TPCN1: variants seen among roughly 807,000 people sequenced by gnomAD.
The protein encoded by TPCN1 is two pore channel protein 1.
In TPCN1, 52 loss-of-function variants were observed where a neutral mutation model predicts 108.8. That is an observed-to-expected ratio of 0.48 (90% CI 0.38 to 0.60). The LOEUF is 0.60. TPCN1 is among the 20% of genes least tolerant of loss of function. The probability of loss-of-function intolerance (pLI) is 0.00; values close to 1 mark genes in which losing one functional copy is unlikely to be tolerated. For missense variants in TPCN1, 806 were observed against 1,072.8 expected (o/e 0.75, Z 3.47); for synonymous variants, 446 against 433.7 (o/e 1.03, Z -0.35).
chr12:113,280,071 AAG>A (rs923963573), intron 14 of TPCN1, 78 bp from the exon 15 acceptor site: 3 of 1,165,032 alleles, frequency 2.6e-6, no homozygotes, highest in African/African-American at 3.0e-5. Context: ...CCTGCCCAGA[AAG>A]AGATAATAAT....
intron 1 of TPCN1, among the ~76,000 whole-genome samples, chr12:113,223,864 G>A (rs1953366676): frequency 6.6e-6 from 1 of 152,052 alleles, no homozygotes; most frequent in Non-Finnish European, 1.5e-5. Context: ...TTTTAAATTG[G>A]GAGTTAAGGA....
At chr12:113,292,609 A>C (rs116800153) in intron 25 of TPCN1, 258 of 240,136 alleles carry the variant, frequency 1.1e-3, no homozygotes, top group African/African-American at 5.6e-3. Flanking sequence ...AAAGAAACAG[A>C]AAACCCTGTG....
At chr12:113,228,287 T>TC (rs1320867364) in intron 2 of TPCN1, among the ~76,000 whole-genome samples, 5 of 152,142 alleles carry the variant, frequency 3.3e-5, no homozygotes, top group Non-Finnish European at 1.5e-5. Context: ...CTCCTCCCTC[T>TC]CCTTTTTTCT....
At chr12:113,291,179 C>T (rs532382985) in intron 23 of TPCN1, among the ~76,000 whole-genome samples, 181 bp downstream of exon 23, 1 of 152,132 alleles carries the variant, frequency 6.6e-6, no homozygotes, top group Non-Finnish European at 1.5e-5. Flanking sequence ...GCCACCCCTC[C>T]CAGTGTTGGC....
At chr12:113,222,249 A>G (rs1327187841) in intron 1 of TPCN1, among the ~76,000 whole-genome samples, 2 of 152,208 alleles carry the variant, frequency 1.3e-5, no homozygotes, top group African/African-American at 4.8e-5. Flanking sequence ...TCGTAGGTGT[A>G]TATAGGGTAA....
At chr12:113,291,497 G>T (rs1403598201) in intron 23 of TPCN1, 112 bp from the exon 24 acceptor site, 4 of 893,318 alleles carry the variant, frequency 4.5e-6, no homozygotes, top group Non-Finnish European at 7.0e-6. Flanking sequence ...CTCACAACCA[G>T]CCACAAATCA....
chr12:113,266,083 C>G lies in TPCN1; in HGVS notation c.238-97C>G. On this transcript the variant is annotated intron_variant, in intron 3 of 27. Coordinates refer to ENST00000335509, the MANE Select transcript of TPCN1 (RefSeq NM_017901.6). The surrounding 1 kb of genome is among the most constrained non-coding windows in gnomAD (Gnocchi z 4.2). Reference sequence around the variant, plus strand: ...GTCTCTGGCCTGAATCTCTCCTCGCCTGCCTGGGGCCTTCCTTTCCTCCCC... The same window carrying G: ...GTCTCTGGCCTGAATCTCTCCTCGCGTGCCTGGGGCCTTCCTTTCCTCCCC... 1.5e-6 allele frequency: 2 copies of G among 1,349,566 alleles called. No individual in the cohort carries two copies. The highest frequency in any genetic ancestry group is 2.1e-6 in the Non-Finnish European group (2 of 969,454). 83.6% of individuals were successfully genotyped at this position (1,349,566 alleles called of 1,614,324 possible).
At chr12:113,227,093 T>G (rs1782923150) in intron 2 of TPCN1, 129 bp downstream of exon 2, 2 of 733,636 alleles carry the variant, frequency 2.7e-6, no homozygotes, top group Non-Finnish European at 4.4e-6. Context: ...GAGCCCCAAG[T>G]TCTGATACAG....
intron 2 of TPCN1, among the ~76,000 whole-genome samples, chr12:113,229,155 C>G (rs1953582299): frequency 6.6e-6 from 1 of 152,210 alleles, no homozygotes; most frequent in African/African-American, 2.4e-5. Context: ...TTTATCTTGG[C>G]AAAGTCAGTG....
At chr12:113,257,165 A>G (rs1158889972) in intron 2 of TPCN1, among the ~76,000 whole-genome samples, 1 of 152,230 alleles carries the variant, frequency 6.6e-6, no homozygotes, top group Non-Finnish European at 1.5e-5. Context: ...ATGAACATGA[A>G]AAACAATGAT....
chr12:113,241,284 C>T (rs1013645040), intron 2 of TPCN1, among the ~76,000 whole-genome samples: 1 of 152,234 alleles, frequency 6.6e-6, no homozygotes, highest in Non-Finnish European at 1.5e-5. Flanking sequence ...GCTGTCACTT[C>T]CCCAATGTGC....
chr12:113,240,105 T>C (rs940029867), intron 2 of TPCN1, among the ~76,000 whole-genome samples: 1 of 152,208 alleles, frequency 6.6e-6, no homozygotes, highest in African/African-American at 2.4e-5. Flanking sequence ...CAGTTTTTAC[T>C]GCACAGCCTC....
intron 2 of TPCN1, among the ~76,000 whole-genome samples, chr12:113,229,131 C>G (rs964147146): frequency 1.3e-5 from 2 of 152,238 alleles, no homozygotes; most frequent in Non-Finnish European, 2.9e-5. Context: ...GGCTAGGCCA[C>G]TAGCAAGGCT....
chr12:113,262,653 A>G (rs1490947855), intron 3 of TPCN1, among the ~76,000 whole-genome samples: 1 of 152,226 alleles, frequency 6.6e-6, no homozygotes, highest in Non-Finnish European at 1.5e-5. Flanking sequence ...GGGATAGGTC[A>G]GAACACAGAC....
At chr12:113,279,292 C>CATATGTGTGTGTGTGTATATAT (rs1955781386) in intron 14 of TPCN1, among the ~76,000 whole-genome samples, 1 of 134,438 alleles carries the variant, frequency 7.4e-6, no homozygotes, top group Non-Finnish European at 1.5e-5. Context: ...TCCAATAACA[C>CATATGTGTGTGTGTGTATATAT]ATATGTGTGT....
chr12:113,293,251 G>A lies in TPCN1; in HGVS notation c.2254-18G>A, dbSNP rs752904949. 2.1e-4 allele frequency: 344 copies of A among 1,613,792 alleles called. 1 individual carries two copies. Among genetic ancestry groups the A allele is most frequent in the Non-Finnish European group, 2.9e-4 (338 of 1,179,936 alleles). On this transcript the variant is annotated intron_variant, in intron 26 of 27. Transcript: ENST00000335509. ...TGAATATCTGCAGCCGAGCCCTGCA[G>A]CCTCTGCTCTTCCTTAGCAACATTC... is the stretch of plus-strand genomic sequence containing the variant.
At chr12:113,295,896 T>C in intron 27 of TPCN1, 64 bp from the exon 28 acceptor site, 6 of 1,392,208 alleles carry the variant, frequency 4.3e-6, no homozygotes, top group Non-Finnish European at 5.8e-6. Context: ...TGTGTGACCT[T>C]GTGGGGTGGG....
rs757854348 is a variant in TPCN1, at chr12:113,290,261, CAG to C, written c.1912+19_1912+20del. 177 of 1,524,068 alleles carry C rather than the reference CAG, an allele frequency of 1.2e-4. No homozygotes were observed. Among genetic ancestry groups the C allele is most frequent in the Middle Eastern group, 1.7e-4 (1 of 5,896 alleles). The allele number at this position is 1,524,068 out of a possible 1,614,324, so 94.4% of individuals were successfully genotyped here. A position where few individuals can be genotyped will look rare whatever the true frequency, so the allele number is the denominator to read the frequency against. ...CAGCTTTGGTGAGTGGGAAAAATCA[CAG>C]GGGGCACATTCCCTGGGGACCCCAC... On this transcript the variant is annotated intron_variant, in intron 22 of 27. Coordinates refer to ENST00000335509, the MANE Select transcript of TPCN1 (RefSeq NM_017901.6).
chr12:113,254,863 T>C (rs1241219827), intron 2 of TPCN1, among the ~76,000 whole-genome samples: 1 of 152,176 alleles, frequency 6.6e-6, no homozygotes, highest in African/African-American at 2.4e-5. Context: ...CATGGTAAGA[T>C]CTCACAACAA....
Sources: gnomAD v4.1 joint callset for allele counts (sites outside exome capture counted in the v4.1 genomes callset) on GRCh38, gnomAD v4.1.1 for gene constraint, Gnocchi (gnomAD v3.1) non-coding constraint, MANE v1.5 for transcripts, NCBI Gene and HGNC (gene_info 2026-07-23, HGNC 2026-07-21) for gene names.